DENND6A: variants seen among roughly 807,000 people sequenced by gnomAD.
DENND6A encodes the protein DENN domain containing 6A, also known as protein DENND6A.
DENND6A carries 43 observed loss-of-function variants against 95.5 expected under a neutral mutation model. The observed-to-expected ratio is 0.45, with a 90% CI of 0.35 to 0.58. The LOEUF is 0.58. Among genes scored for constraint, DENND6A ranks in the 20% least tolerant of loss-of-function variants. The pLI, the probability that DENND6A is intolerant of heterozygous loss-of-function variation, is 0.00. For missense variants in DENND6A, 574 were observed against 736.0 expected, an observed-to-expected ratio of 0.78 and a Z score of 2.55; for synonymous variants, 257 against 260.4, an observed-to-expected ratio of 0.99 and a Z score of 0.13.
intron 12 of DENND6A, among the ~76,000 whole-genome samples, chr3:57,637,192 G>A (rs1239195046): frequency 6.6e-6 from 1 of 152,094 alleles, no homozygotes; most frequent in African/African-American, 2.4e-5. Context: ...ACTAAAGCAT[G>A]GGCAGAACTT....
At chr3:57,665,354 A>G (rs2153415943) in intron 4 of DENND6A, among the ~76,000 whole-genome samples, 1 of 152,356 alleles carries the variant, frequency 6.6e-6, no homozygotes, top group East Asian at 1.9e-4. Flanking sequence ...TATGCTCAAT[A>G]GCCCTCAATT....
At position 57,645,826 on chromosome 3, in the gene DENND6A, C is replaced by T. The variant is rs1044781085; in HGVS notation, c.942-70G>A. ...AAGGTCCTAATCTATAACTAGAAAA[C>T]ATCTATACAAACGGTATACACACAA... On this transcript the variant is annotated intron_variant, in intron 10 of 19. Coordinates refer to ENST00000311128, the MANE Select transcript of DENND6A (RefSeq NM_152678.3). 11 of 1,140,264 alleles carry T rather than the reference C, an allele frequency of 9.6e-6. No homozygotes were observed. The African/African-American group carries it at 1.6e-4, about 16-fold the overall frequency. 70.6% of individuals were successfully genotyped at this position (1,140,264 alleles called of 1,614,324 possible).
At position 57,672,310 on chromosome 3, in the gene DENND6A, A is replaced by C; in HGVS notation, c.277-12T>G. On this transcript the variant is annotated splice_polypyrimidine_tract_variant and intron_variant, in intron 2 of 19. Coordinates refer to ENST00000311128, the MANE Select transcript of DENND6A (RefSeq NM_152678.3). ...CAAATATTGGTTTTCTGAAAAAGAA[A>C]ACAAAAGTGATGTATGCTGACACAT... 1 of 1,610,046 alleles carries C rather than the reference A, an allele frequency of 6.2e-7. No homozygotes were observed. The highest frequency in any genetic ancestry group is 8.5e-7 in the Non-Finnish European group (1 of 1,178,810).
In DENND6A at chr3:57,637,766, CAA is replaced by C. The variant is rs68168204; in HGVS notation, c.1133-2999_1133-2998del. 4.0e-3 allele frequency among the ~76,000 whole-genome samples: 436 copies of C among 109,404 alleles called. 3 individuals carry two copies. The highest frequency in any genetic ancestry group is 0.012 in the African/African-American group (339 of 29,342). 71.8% of individuals were successfully genotyped at this position (109,404 alleles called of 152,430 possible). On this transcript the variant is annotated intron_variant, in intron 12 of 19. Coordinates refer to ENST00000311128, the MANE Select transcript of DENND6A (RefSeq NM_152678.3). The stretch of plus-strand genomic sequence containing the variant: ...TACAAAGAAAAAATAAATAAGACTT[CAA>C]AAAAAAAAAAAGCAGAAGAAAAAGA...
chr3:57,676,083 A>T (rs2071703975), intron 1 of DENND6A, among the ~76,000 whole-genome samples: 1 of 152,104 alleles, frequency 6.6e-6, no homozygotes, highest in African/African-American at 2.4e-5. Context: ...TCTCAAAAAA[A>T]AAAGTCCTTC....
At chr3:57,636,936 C>CAAAAAA in intron 12 of DENND6A, among the ~76,000 whole-genome samples, 1 of 52,002 alleles carries the variant, frequency 1.9e-5, no homozygotes, top group Non-Finnish European at 4.1e-5. Context: ...GACTCTGTCT[C>CAAAAAA]AAAAAAAAAA....
At chr3:57,691,326 A>G (rs1361442435) in intron 1 of DENND6A, among the ~76,000 whole-genome samples, 1 of 152,244 alleles carries the variant, frequency 6.6e-6, no homozygotes, top group Non-Finnish European at 1.5e-5. Flanking sequence ...AATTGCTCAC[A>G]TATTCACCTA....
At chr3:57,657,380 CCA>C (rs1170054637) in intron 9 of DENND6A, among the ~76,000 whole-genome samples, 1 of 151,968 alleles carries the variant, frequency 6.6e-6, no homozygotes, top group Non-Finnish European at 1.5e-5. Context: ...CATTTCACTC[CCA>C]AATAAAATGC....
chr3:57,657,840 T>C, intron 8 of DENND6A, 105 bp from the exon 9 acceptor site: 1 of 652,076 alleles, frequency 1.5e-6, no homozygotes. Context: ...CCTGTCTAAC[T>C]TTTAAGATTC....
chr3:57,664,867 T>C (rs1478527023), intron 4 of DENND6A, among the ~76,000 whole-genome samples: 2 of 151,888 alleles, frequency 1.3e-5, no homozygotes, highest in Non-Finnish European at 2.9e-5. Flanking sequence ...ATTATTGTAA[T>C]AGGAGGATGG....
intron 3 of DENND6A, among the ~76,000 whole-genome samples, chr3:57,669,469 A>G (rs2071578629): frequency 1.3e-5 from 2 of 152,102 alleles, no homozygotes; most frequent in Non-Finnish European, 2.9e-5. Flanking sequence ...TAATCTCAGC[A>G]CTTTGGGAGG....
intron 12 of DENND6A, among the ~76,000 whole-genome samples, chr3:57,636,409 A>G (rs1319668823): frequency 6.6e-6 from 1 of 152,228 alleles, no homozygotes; most frequent in Non-Finnish European, 1.5e-5. Flanking sequence ...GTAAATATTA[A>G]GTAAATGCAA....
Position 57,692,814 on chromosome 3 carries a change from C to G in DENND6A, c.205G>C (p.Gly69Arg). ...GCCTGGCCCAGCTCCAGGTCGAAGC[C>G]CACCACACACACGCAGTGCAGCCAG... ...SAWLHCVCVV[G>R]FDLELGQAVE... Residue 69 changes from glycine (G) to arginine (R), a missense_variant, in exon 1 of 20, where the codon GGC becomes CGC. Coordinates refer to ENST00000311128, the MANE Select transcript of DENND6A (RefSeq NM_152678.3). The G allele has an allele frequency of 6.4e-7, 1 of 1,569,014 alleles. No homozygotes were observed. The highest frequency in any genetic ancestry group is 1.2e-5 in the South Asian group (1 of 85,574).
intron 12 of DENND6A, among the ~76,000 whole-genome samples, chr3:57,639,998 CGCAGTGGCTCA>C (rs1436023367): frequency 6.6e-6 from 1 of 152,056 alleles, no homozygotes; most frequent in African/African-American, 2.4e-5. Flanking sequence ...GCTGGCCAGG[CGCAGTGGCTCA>C]GCCTGTAATC....
chr3:57,672,366 A>T, intron 2 of DENND6A, 34 bp downstream of exon 2: 1 of 1,611,354 alleles, frequency 6.2e-7, no homozygotes, highest in Non-Finnish European at 8.5e-7. Context: ...CAGAAATATA[A>T]CAGTAAACTA....
Position 57,646,320 on chromosome 3 carries a change from C to G in DENND6A, c.937G>C (p.Val313Leu). 6.2e-7 allele frequency: 1 copy of G among 1,607,606 alleles called. No homozygotes were observed. The highest frequency in any genetic ancestry group is 8.5e-7 in the Non-Finnish European group (1 of 1,178,166). ...SESSETVLAL[V>L]NCISPLKYFS... ...ATAGTAACCAAATAGACTCACTTAACAAGTGCCAATACAGTCTCTGATGAT... is the reference window on the plus strand; with the variant it reads ...ATAGTAACCAAATAGACTCACTTAAGAAGTGCCAATACAGTCTCTGATGAT... Residue 313 changes from valine (V) to leucine (L), a missense_variant, in exon 10 of 20, where the codon GTT (valine) becomes CTT (leucine). Transcript: ENST00000311128.
chr3:57,680,382 G>T (rs534571015), intron 1 of DENND6A, among the ~76,000 whole-genome samples: 2 of 152,204 alleles, frequency 1.3e-5, no homozygotes, highest in African/African-American at 2.4e-5. Context: ...TTTGGGAGGC[G>T]ATCAAGTCGT....
chr3:57,686,773 A>T (rs1328249610), intron 1 of DENND6A, among the ~76,000 whole-genome samples: 5 of 152,114 alleles, frequency 3.3e-5, no homozygotes, highest in Non-Finnish European at 1.5e-5. Flanking sequence ...CCATTACCCC[A>T]TCTCTCTCCC....
rs1331664094 is a variant in DENND6A, at chr3:57,626,675, C to T, written c.*1539G>A. The T allele has an allele frequency of 6.6e-6, 1 of 152,324 alleles. No individual in the cohort carries two copies. The highest frequency in any genetic ancestry group is 1.5e-5 in the Non-Finnish European group (1 of 68,352). 9.4% of individuals were successfully genotyped at this position (152,324 alleles called of 1,614,324 possible). ...AGTCAGCCGAGATTGCGCCATTGCA[C>T]TCCAGCCTGGGCAACAAGAGCAAAA... is the stretch of plus-strand genomic sequence containing the variant. On this transcript the variant is annotated 3_prime_UTR_variant, in exon 20 of 20. Coordinates refer to ENST00000311128, the MANE Select transcript of DENND6A (RefSeq NM_152678.3).
Sources: allele counts gnomAD v4.1 joint callset (sites outside exome capture counted in the v4.1 genomes callset), GRCh38; gene constraint gnomAD v4.1.1; transcripts MANE v1.5; gene names NCBI Gene and HGNC (gene_info 2026-07-23, HGNC 2026-07-21).